RERE: variants seen among roughly 807,000 people sequenced by gnomAD.
The protein encoded by RERE is arginine-glutamic acid dipeptide repeats protein.
RERE carries 40 observed loss-of-function variants against 146.1 expected under a neutral mutation model. That is an observed-to-expected ratio of 0.27 (90% CI 0.21 to 0.36). The LOEUF is 0.36. RERE is among the 10% of genes least tolerant of loss of function. The pLI is 1.00. For synonymous variants in RERE, 1,003 were observed against 866.0 expected (o/e 1.16, Z -2.78); for missense variants, 1,933 against 2,138.7 (o/e 0.90, Z 1.90).
intron 12 of RERE, among the ~76,000 whole-genome samples, chr1:8,388,658 A>AC (rs1319463079): frequency 6.6e-6 from 1 of 152,200 alleles, no homozygotes; most frequent in African/African-American, 2.4e-5. Flanking sequence ...GCGACAGTTC[A>AC]CCGTGTGGCT....
intron 12 of RERE, among the ~76,000 whole-genome samples, chr1:8,395,168 T>TA (rs1643013989): frequency 6.6e-6 from 1 of 152,026 alleles, no homozygotes; most frequent in East Asian, 1.9e-4. Context: ...CTAAAAATAA[T>TA]AATACCAAAG....
At chr1:8,609,143 G>A (rs1329307695) in intron 4 of RERE, among the ~76,000 whole-genome samples, 1 of 151,958 alleles carries the variant, frequency 6.6e-6, no homozygotes. Context: ...GCTTGAACCC[G>A]GGAGGCGGAG....
intron 7 of RERE, among the ~76,000 whole-genome samples, chr1:8,528,665 G>A (rs1645599390): frequency 6.6e-6 from 1 of 152,116 alleles, no homozygotes; most frequent in African/African-American, 2.4e-5. Context: ...GAACGTTTTA[G>A]ATTTTTGGAT....
At chr1:8,446,067 CAA>C (rs1015137928) in intron 11 of RERE, among the ~76,000 whole-genome samples, 1 of 152,198 alleles carries the variant, frequency 6.6e-6, no homozygotes, top group South Asian at 2.1e-4. Flanking sequence ...CTAGTGGTGA[CAA>C]AATCTCTCAG....
intron 4 of RERE, among the ~76,000 whole-genome samples, chr1:8,602,125 T>G (rs545091610): frequency 3.3e-5 from 5 of 152,270 alleles, no homozygotes; most frequent in Non-Finnish European, 5.9e-5. Context: ...GTGCGGTGGC[T>G]CATGCCTGTA....
intron 1 of RERE, among the ~76,000 whole-genome samples, chr1:8,663,383 T>C (rs949289009): frequency 1.3e-5 from 2 of 152,176 alleles, no homozygotes; most frequent in Non-Finnish European, 2.9e-5. Context: ...CTTATATTTT[T>C]CAAATGCCTG....
intron 2 of RERE, among the ~76,000 whole-genome samples, chr1:8,647,831 G>A (rs547128758): frequency 3.9e-5 from 6 of 152,126 alleles, no homozygotes; most frequent in Non-Finnish European, 7.4e-5. Context: ...CAGTGAAGAC[G>A]CAGTAGCTAA....
intron 7 of RERE, among the ~76,000 whole-genome samples, chr1:8,510,076 A>C (rs1302795468): frequency 5.3e-5 from 8 of 152,268 alleles, no homozygotes; most frequent in African/African-American, 1.7e-4. Flanking sequence ...AGGGAGGAGG[A>C]AGACAAGGAG....
chr1:8,369,938 C>T (rs551932188), intron 12 of RERE, among the ~76,000 whole-genome samples: 19 of 152,016 alleles, frequency 1.2e-4, no homozygotes, highest in African/African-American at 3.6e-4. Flanking sequence ...TACAGGAGCC[C>T]GCCACCAGCC....
At chr1:8,667,978 C>T (rs142619500) in intron 1 of RERE, among the ~76,000 whole-genome samples, 107 of 152,328 alleles carry the variant, frequency 7.0e-4, no homozygotes, top group South Asian at 1.0e-3. Context: ...TCTAACAACG[C>T]AACCCACTGC....
intron 7 of RERE, among the ~76,000 whole-genome samples, chr1:8,514,305 A>G (rs1021318914): frequency 6.6e-6 from 1 of 152,258 alleles, no homozygotes; most frequent in African/African-American, 2.4e-5. Flanking sequence ...CTGATATTCC[A>G]TGAAAAAAGT....
chr1:8,482,380 T>C (rs1644846493), intron 10 of RERE, among the ~76,000 whole-genome samples: 1 of 152,122 alleles, frequency 6.6e-6, no homozygotes, highest in South Asian at 2.1e-4. Flanking sequence ...AGCCATTTCA[T>C]TCAAACAAGA....
At chr1:8,694,909 A>G (rs1639289798) in intron 1 of RERE, among the ~76,000 whole-genome samples, 1 of 150,136 alleles carries the variant, frequency 6.7e-6, no homozygotes, top group South Asian at 2.1e-4. Context: ...CACAGAATTA[A>G]ACAAAGTAAT....
chr1:8,774,007 C>G (rs1399628913), intron 1 of RERE, among the ~76,000 whole-genome samples: 1 of 152,190 alleles, frequency 6.6e-6, no homozygotes, highest in African/African-American at 2.4e-5. Context: ...AGCCTTCCTT[C>G]TCAACAGGAT....
intron 7 of RERE, among the ~76,000 whole-genome samples, chr1:8,516,573 G>A (rs771580590): frequency 7.2e-5 from 11 of 152,108 alleles, no homozygotes; most frequent in Admixed American, 3.3e-4. Flanking sequence ...GCCAAGAGAC[G>A]TTACGCAGTT....
At chr1:8,572,819 T>A (rs548885906) in intron 4 of RERE, among the ~76,000 whole-genome samples, 1 of 152,334 alleles carries the variant, frequency 6.6e-6, no homozygotes, top group South Asian at 2.1e-4. Flanking sequence ...ATGAATGAAA[T>A]CTGCCACTTA....
intron 1 of RERE, among the ~76,000 whole-genome samples, chr1:8,683,855 T>C (rs1324551658): frequency 1.3e-5 from 2 of 152,034 alleles, no homozygotes; most frequent in East Asian, 1.9e-4. Context: ...GGCAGGAGAA[T>C]TGCTTGAACC....
At chr1:8,677,092 G>A (rs1232672365) in intron 1 of RERE, among the ~76,000 whole-genome samples, 1 of 151,978 alleles carries the variant, frequency 6.6e-6, no homozygotes, top group Non-Finnish European at 1.5e-5. Context: ...GCCCAAGAGG[G>A]GTTTTTGATA....
chr1:8,605,770 A>AAAAAAAAAAAAC (rs1646698931), intron 4 of RERE, among the ~76,000 whole-genome samples: 1 of 145,188 alleles, frequency 6.9e-6, no homozygotes. Flanking sequence ...AAAAAAAAAA[A>AAAAAAAAAAAAC]ACCCCTAAAA....
Sources: gnomAD v4.1 joint callset for allele counts (sites outside exome capture counted in the v4.1 genomes callset) on GRCh38, gnomAD v4.1.1 for gene constraint, MANE v1.5 for transcripts, NCBI Gene and HGNC (gene_info 2026-07-23, HGNC 2026-07-21) for gene names.